Variants in TBC1D1 observed in about 807,000 individuals in gnomAD.
The protein encoded by TBC1D1 is TBC1 (tre-2/USP6, BUB2, cdc16) domain family, member 1.
Under a neutral mutation model 125.6 loss-of-function variants are expected in TBC1D1, and 89 were observed. The observed-to-expected ratio is 0.71, with a 90% CI of 0.60 to 0.85. The LOEUF (loss-of-function observed/expected upper bound fraction) is 0.85. Among genes scored for constraint, TBC1D1 ranks in the 40% least tolerant of loss-of-function variants. TBC1D1 has a pLI of 0.00. For synonymous variants in TBC1D1, 565 were observed against 564.1 expected, an observed-to-expected ratio of 1.00 and a Z score of -0.02; for missense variants, 1,377 against 1,469.2, an observed-to-expected ratio of 0.94 and a Z score of 1.03.
chr4:37,894,991 C>T (rs73810020), intron 1 of TBC1D1, among the ~76,000 whole-genome samples: 3,928 of 152,246 alleles, frequency 0.026, 180 homozygotes, highest in African/African-American at 0.089. Context: ...GCTTTGTGAA[C>T]GTACAGAAGA....
intron 2 of TBC1D1, among the ~76,000 whole-genome samples, chr4:37,938,415 C>T (rs986953367): frequency 9.2e-5 from 14 of 152,084 alleles, no homozygotes; most frequent in African/African-American, 9.7e-5. Flanking sequence ...TGCCTAGGTG[C>T]GCCACAGTGG....
intron 4 of TBC1D1, among the ~76,000 whole-genome samples, chr4:38,020,127 TG>T (rs145973477): frequency 0.011 from 1,662 of 152,322 alleles, 29 homozygotes; most frequent in African/African-American, 0.038. Flanking sequence ...TTATTTGAGA[TG>T]TTTTTAGACT....
chr4:37,898,919 AG>A (rs1436355595), intron 1 of TBC1D1, among the ~76,000 whole-genome samples: 9 of 152,192 alleles, frequency 5.9e-5, no homozygotes, highest in Admixed American at 5.9e-4. Context: ...AGCCTTTAAA[AG>A]GTGCACCAAG....
intron 2 of TBC1D1, among the ~76,000 whole-genome samples, chr4:37,963,780 A>G (rs1730520588): frequency 6.6e-6 from 1 of 152,248 alleles, no homozygotes; most frequent in South Asian, 2.1e-4. Flanking sequence ...AATAATTTTT[A>G]AGATCCTAAG....
At chr4:38,109,224 TGAG>T (rs1350778292) in intron 15 of TBC1D1, among the ~76,000 whole-genome samples, 2 of 152,200 alleles carry the variant, frequency 1.3e-5, no homozygotes, top group Admixed American at 6.5e-5. Context: ...CAATCACAGT[TGAG>T]GAGCCTAATG....
At chr4:38,011,816 A>G (rs1560614079) in intron 2 of TBC1D1, among the ~76,000 whole-genome samples, 1 of 152,008 alleles carries the variant, frequency 6.6e-6, no homozygotes, top group Non-Finnish European at 1.5e-5. Context: ...AACTACCACA[A>G]CCTCGATTGT....
chr4:37,894,887 G>A (rs991451646), intron 1 of TBC1D1, among the ~76,000 whole-genome samples: 1 of 152,170 alleles, frequency 6.6e-6, no homozygotes, highest in Non-Finnish European at 1.5e-5. Context: ...ACAGAAGTTT[G>A]TAGATAAGAC....
chr4:37,970,031 T>C (rs1376911876), intron 2 of TBC1D1, among the ~76,000 whole-genome samples: 4 of 152,244 alleles, frequency 2.6e-5, no homozygotes, highest in South Asian at 2.1e-4. Flanking sequence ...CTTATTTCAA[T>C]TGGCATAGTG....
At chr4:37,975,544 G>A (rs893411061) in intron 2 of TBC1D1, among the ~76,000 whole-genome samples, 3 of 152,156 alleles carry the variant, frequency 2.0e-5, no homozygotes, top group Admixed American at 6.5e-5. Context: ...GCTAAGTAGC[G>A]GGTGTTTTTT....
At position 37,995,823 on chromosome 4, in the gene TBC1D1, G is replaced by A. The variant is rs1737680935; in HGVS notation, c.418-18686G>A. 1.8e-6 allele frequency: 1 copy of A among 557,646 alleles called. No homozygotes were observed. The highest frequency in any genetic ancestry group is 1.9e-5 in the African/African-American group (1 of 53,020). The allele number at this position is 557,646 out of a possible 1,614,324, so 34.5% of individuals were successfully genotyped here. A position where few individuals can be genotyped will look rare whatever the true frequency, so the allele number is the denominator to read the frequency against. On this transcript the variant is annotated intron_variant, in intron 2 of 19. Transcript: ENST00000261439. This position sits in a 1 kb window ranked among gnomAD's most constrained non-coding sequence, Gnocchi z 4.3. ...CAAATCATTTGCATCCTCAGTCTTG[G>A]GGATCAGGTGCTGGATCCATGTGAT...
intron 12 of TBC1D1, among the ~76,000 whole-genome samples, chr4:38,087,172 GA>G (rs1417926750): frequency 1.3e-5 from 2 of 152,202 alleles, no homozygotes; most frequent in Non-Finnish European, 2.9e-5. Context: ...CACAAAAGTA[GA>G]AAACATTAGG....
At chr4:38,008,585 A>T (rs1740827441) in intron 2 of TBC1D1, among the ~76,000 whole-genome samples, 1 of 152,186 alleles carries the variant, frequency 6.6e-6, no homozygotes, top group African/African-American at 2.4e-5. Flanking sequence ...GGGATGAAAA[A>T]GGGGCCCCTG....
At chr4:38,023,243 CA>C (rs71658750) in intron 6 of TBC1D1, among the ~76,000 whole-genome samples, 2,689 of 76,476 alleles carry the variant, frequency 0.035, 30 homozygotes, top group South Asian at 0.092. Flanking sequence ...CGAGATGTCT[CA>C]AAAAAAAAAA....
intron 2 of TBC1D1, among the ~76,000 whole-genome samples, chr4:37,967,212 G>C (rs529950814): frequency 6.6e-6 from 1 of 152,112 alleles, no homozygotes; most frequent in African/African-American, 2.4e-5. Context: ...ATAAAAAAGA[G>C]GGCCGGGCAC....
intron 8 of TBC1D1, among the ~76,000 whole-genome samples, chr4:38,038,227 G>A (rs943934759): frequency 6.6e-6 from 1 of 152,034 alleles, no homozygotes; most frequent in African/African-American, 2.4e-5. Flanking sequence ...AAAATTTAAT[G>A]CTATATAACT....
At chr4:37,928,513 C>T (rs4832744) in intron 2 of TBC1D1, among the ~76,000 whole-genome samples, 43,989 of 152,026 alleles carry the variant, frequency 0.29, 7,501 homozygotes, top group Middle Eastern at 0.39. Flanking sequence ...TCTTAATTCC[C>T]ATGACAAGAT....
At chr4:38,022,042 C>T (rs777042264) in intron 6 of TBC1D1, among the ~76,000 whole-genome samples, 2 of 152,194 alleles carry the variant, frequency 1.3e-5, no homozygotes, top group Admixed American at 6.5e-5. Flanking sequence ...GTCAGTCATA[C>T]TGGGCACTGC....
chr4:38,078,596 G>A (rs1390686980), intron 12 of TBC1D1, among the ~76,000 whole-genome samples: 1 of 152,182 alleles, frequency 6.6e-6, no homozygotes, highest in African/African-American at 2.4e-5. Context: ...CCAAAAAGAG[G>A]TAGAGACCCC....
intron 7 of TBC1D1, among the ~76,000 whole-genome samples, chr4:38,033,709 C>G (rs971976509): frequency 6.6e-6 from 1 of 152,126 alleles, no homozygotes; most frequent in Admixed American, 6.6e-5. Flanking sequence ...TCTGCCTGTT[C>G]TCCCACCTCC....
Sources: gnomAD v4.1 joint callset for allele counts (sites outside exome capture counted in the v4.1 genomes callset) on GRCh38, gnomAD v4.1.1 for gene constraint, Gnocchi (gnomAD v3.1) non-coding constraint, MANE v1.5 for transcripts, NCBI Gene and HGNC (gene_info 2026-07-23, HGNC 2026-07-21) for gene names.